Variants in CDH20 observed in about 807,000 individuals in gnomAD.
The protein encoded by CDH20 is cadherin 20, also known as cadherin-20.
In CDH20, 29 loss-of-function variants were observed where a neutral mutation model predicts 74.2. That is an observed-to-expected ratio of 0.39 (90% CI 0.29 to 0.53). The LOEUF is 0.53. CDH20 is among the 20% of genes least tolerant of loss of function. The pLI, the probability that CDH20 is intolerant of heterozygous loss-of-function variation, is 0.69. For synonymous variants in CDH20, 469 were observed against 405.4 expected (o/e 1.16, Z -1.88); for missense variants, 988 against 1,048.3 (o/e 0.94, Z 0.79).
intron 2 of CDH20, among the ~76,000 whole-genome samples, chr18:61,495,556 C>G (rs1018120871): frequency 6.6e-6 from 1 of 152,180 alleles, no homozygotes; most frequent in African/African-American, 2.4e-5. Context: ...CTCATCACAC[C>G]TACTTCTAAG....
At chr18:61,479,367 A>G (rs1477631874) in intron 1 of CDH20, among the ~76,000 whole-genome samples, 2 of 152,134 alleles carry the variant, frequency 1.3e-5, no homozygotes, top group Non-Finnish European at 2.9e-5. Context: ...GCTTATATAT[A>G]TTTATTGAAA....
In CDH20 at chr18:61,380,903, A is replaced by G. The variant is rs144194591; in HGVS notation, c.-153+47076A>G. ...GTAGCATATATTGCTGAAGTAATAT[A>G]AACGGCTTCTGATTTTGAAAAGCAG... On this transcript the variant is annotated intron_variant, in intron 1 of 11. Transcript: ENST00000262717. Among the ~76,000 whole-genome samples, 236 of 152,364 alleles carry G rather than the reference A, an allele frequency of 1.5e-3. 2 individuals are homozygous for G. The highest frequency in any genetic ancestry group is 5.4e-3 in the African/African-American group (225 of 41,592).
chr18:61,499,003 T>G (rs1175494426), intron 2 of CDH20, among the ~76,000 whole-genome samples, 183 bp from the exon 3 acceptor site: 1 of 152,130 alleles, frequency 6.6e-6, no homozygotes, highest in African/African-American at 2.4e-5. Context: ...TTAATCAACC[T>G]ACACCCACTC....
chr18:61,537,362 C>A (rs1452227804), intron 8 of CDH20, among the ~76,000 whole-genome samples: 1 of 151,806 alleles, frequency 6.6e-6, no homozygotes, highest in African/African-American at 2.4e-5. Context: ...CAGATATCAA[C>A]AAAGATTTAA....
chr18:61,355,763 G>A (rs1023484986), intron 1 of CDH20, among the ~76,000 whole-genome samples: 5 of 152,216 alleles, frequency 3.3e-5, no homozygotes, highest in African/African-American at 1.2e-4. Flanking sequence ...AAAGATTTAT[G>A]TGGAATTCTG....
chr18:61,409,409 T>C (rs1050738094), intron 1 of CDH20, among the ~76,000 whole-genome samples: 1 of 152,250 alleles, frequency 6.6e-6, no homozygotes, highest in African/African-American at 2.4e-5. Context: ...GTGGCAGTCC[T>C]GGGGAAGGGA....
intron 1 of CDH20, among the ~76,000 whole-genome samples, chr18:61,457,325 TAAGA>T (rs1909606427): frequency 6.6e-6 from 1 of 152,166 alleles, no homozygotes; most frequent in African/African-American, 2.4e-5. Context: ...ATTTAGCACT[TAAGA>T]GTTTTGCCAA....
At chr18:61,403,134 C>T (rs569432009) in intron 1 of CDH20, among the ~76,000 whole-genome samples, 2 of 152,258 alleles carry the variant, frequency 1.3e-5, no homozygotes, top group African/African-American at 2.4e-5. Context: ...ATGCCTTCCT[C>T]CTGGCCATCA....
intron 3 of CDH20, among the ~76,000 whole-genome samples, chr18:61,499,840 A>T (rs1368488186): frequency 1.3e-5 from 2 of 152,174 alleles, no homozygotes; most frequent in African/African-American, 2.4e-5. Flanking sequence ...CACGCCTGTA[A>T]TCCTAGAACT....
At chr18:61,436,685 C>A (rs1351645693) in intron 1 of CDH20, among the ~76,000 whole-genome samples, 1 of 152,102 alleles carries the variant, frequency 6.6e-6, no homozygotes, top group Non-Finnish European at 1.5e-5. Context: ...GGCACTGTGG[C>A]ATTAGGTAGA....
chr18:61,417,032 C>T (rs183202093), intron 1 of CDH20, among the ~76,000 whole-genome samples: 2 of 152,278 alleles, frequency 1.3e-5, no homozygotes, highest in East Asian at 3.9e-4. Flanking sequence ...CAATCAAAAG[C>T]ACTGAAAGAG....
At chr18:61,448,877 C>T (rs1186336626) in intron 1 of CDH20, among the ~76,000 whole-genome samples, 1 of 152,174 alleles carries the variant, frequency 6.6e-6, no homozygotes, top group Non-Finnish European at 1.5e-5. Context: ...ATTCAACACT[C>T]TTCAGGTTCC....
chr18:61,401,878 T>G (rs1436811629), intron 1 of CDH20, among the ~76,000 whole-genome samples: 1 of 152,206 alleles, frequency 6.6e-6, no homozygotes, highest in Non-Finnish European at 1.5e-5. Context: ...TCTTTCACTA[T>G]TCAAAATAGG....
At chr18:61,358,437 T>C (rs1327994637) in intron 1 of CDH20, among the ~76,000 whole-genome samples, 1 of 152,164 alleles carries the variant, frequency 6.6e-6, no homozygotes, top group Non-Finnish European at 1.5e-5. Context: ...TTATTTTCTT[T>C]ATAGCATTTC....
intron 10 of CDH20, among the ~76,000 whole-genome samples, chr18:61,549,622 GACC>G (rs1226143461): frequency 1.3e-5 from 2 of 152,186 alleles, no homozygotes; most frequent in Admixed American, 6.5e-5. Context: ...AACAAACAGT[GACC>G]ACAAGTCACC....
chr18:61,435,348 A>G (rs957913581), intron 1 of CDH20, among the ~76,000 whole-genome samples: 6 of 152,136 alleles, frequency 3.9e-5, no homozygotes, highest in Non-Finnish European at 8.8e-5. Context: ...TACCTAGCAT[A>G]TCCCATACTC....
At chr18:61,360,267 A>C (rs1910645563) in intron 1 of CDH20, among the ~76,000 whole-genome samples, 1 of 152,210 alleles carries the variant, frequency 6.6e-6, no homozygotes, top group South Asian at 2.1e-4. Context: ...TTAAGTGGGC[A>C]TAAGGGAATA....
intron 1 of CDH20, among the ~76,000 whole-genome samples, chr18:61,411,197 G>GAA (rs35401750): frequency 2.1e-5 from 3 of 141,854 alleles, no homozygotes; most frequent in Admixed American, 7.0e-5. Context: ...GACTCTGTCT[G>GAA]AAAAAAAAAA....
chr18:61,386,250 G>A (rs1911597067), intron 1 of CDH20, among the ~76,000 whole-genome samples: 1 of 152,178 alleles, frequency 6.6e-6, no homozygotes, highest in African/African-American at 2.4e-5. Flanking sequence ...ACCAAGGTAA[G>A]GATATTTGGA....
Sources: allele counts gnomAD v4.1 joint callset (sites outside exome capture counted in the v4.1 genomes callset), GRCh38; gene constraint gnomAD v4.1.1; transcripts MANE v1.5; gene names NCBI Gene and HGNC (gene_info 2026-07-23, HGNC 2026-07-21).